The following NR3C2 variants were observed in gnomAD, a reference collection of about 807,000 sequenced individuals.
The protein encoded by NR3C2 is mineralocorticoid receptor.
Under a neutral mutation model 86.4 loss-of-function variants are expected in NR3C2, and 15 were observed. The observed-to-expected ratio is 0.17, with a 90% CI of 0.12 to 0.27. The LOEUF is 0.27. NR3C2 is among the 10% of genes least tolerant of loss of function. NR3C2 has a pLI of 1.00. For synonymous variants in NR3C2, 458 were observed against 450.5 expected, an observed-to-expected ratio of 1.02 and a Z score of -0.21; for missense variants, 960 against 1,195.6, an observed-to-expected ratio of 0.80 and a Z score of 2.91.
intron 8 of NR3C2, among the ~76,000 whole-genome samples, chr4:148,096,118 T>C (rs1260555848): frequency 6.6e-6 from 1 of 152,174 alleles, no homozygotes; most frequent in Non-Finnish European, 1.5e-5. Context: ...AGACCACAGC[T>C]CTGCCTTCTT....
chr4:148,093,997 A>G (rs1731169534), intron 8 of NR3C2, among the ~76,000 whole-genome samples: 1 of 152,164 alleles, frequency 6.6e-6, no homozygotes, highest in Admixed American at 6.6e-5. Flanking sequence ...TCAACAACAA[A>G]CCAAACTGAA....
chr4:148,350,497 C>T lies in NR3C2; in HGVS notation c.1757+84607G>A, dbSNP rs370844921. The stretch of plus-strand genomic sequence containing the variant: ...ACATTTTAGAAATATCTCTAAAAGA[C>T]GTTTTAAATCAGTTAACTACATTTC... On this transcript the variant is annotated intron_variant, in intron 2 of 8. Coordinates refer to ENST00000358102, the MANE Select transcript of NR3C2 (RefSeq NM_000901.5). 1.2e-4 allele frequency among the ~76,000 whole-genome samples: 18 copies of T among 152,250 alleles called. No homozygotes were observed. In the East Asian group the frequency reaches 1.5e-3, roughly 13 times the overall value.
At chr4:148,121,366 C>T (rs1173954026) in intron 6 of NR3C2, among the ~76,000 whole-genome samples, 9 of 152,182 alleles carry the variant, frequency 5.9e-5, no homozygotes, top group Admixed American at 5.9e-4. Context: ...CACATGTTCT[C>T]TGCATTACTG....
chr4:148,197,961 G>A (rs1400018975), intron 3 of NR3C2, among the ~76,000 whole-genome samples: 2 of 151,980 alleles, frequency 1.3e-5, no homozygotes, highest in African/African-American at 2.4e-5. Context: ...TGTACCTCCT[G>A]CTTGAGGTTG....
chr4:148,399,683 GACACACACAC>G (rs3045291), intron 2 of NR3C2, among the ~76,000 whole-genome samples: 1 of 150,552 alleles, frequency 6.6e-6, no homozygotes, highest in Non-Finnish European at 1.5e-5. Flanking sequence ...TATATATACA[GACACACACAC>G]ACACACACAC....
At chr4:148,193,572 TATA>T (rs903472552) in intron 4 of NR3C2, among the ~76,000 whole-genome samples, 1 of 152,224 alleles carries the variant, frequency 6.6e-6, no homozygotes, top group Non-Finnish European at 1.5e-5. Context: ...CCAGATGACT[TATA>T]ATACCTAATA....
At chr4:148,363,086 T>C (rs1420787591) in intron 2 of NR3C2, among the ~76,000 whole-genome samples, 3 of 152,026 alleles carry the variant, frequency 2.0e-5, no homozygotes, top group Non-Finnish European at 2.9e-5. Context: ...ATCCATAAAG[T>C]GGAGAGGACA....
chr4:148,129,184 T>C (rs771014033), intron 6 of NR3C2, among the ~76,000 whole-genome samples: 4 of 152,224 alleles, frequency 2.6e-5, no homozygotes, highest in Non-Finnish European at 5.9e-5. Flanking sequence ...TGGGACATTA[T>C]TGAGTCTTAA....
intron 2 of NR3C2, among the ~76,000 whole-genome samples, chr4:148,347,578 A>G (rs1745058531): frequency 2.0e-5 from 3 of 152,234 alleles, no homozygotes; most frequent in African/African-American, 7.2e-5. Flanking sequence ...GTGTTCTCTC[A>G]AGATACGCTG....
chr4:148,085,972 T>C (rs536284901), intron 8 of NR3C2, among the ~76,000 whole-genome samples: 5 of 152,222 alleles, frequency 3.3e-5, no homozygotes, highest in African/African-American at 4.8e-5. Flanking sequence ...AGTTCTGAAA[T>C]TGGGCAGTAA....
rs111304365 is a variant in NR3C2 at position 148,102,628 on chromosome 4, T to G, written c.2799+11476A>C. Among the ~76,000 whole-genome samples, 480 of 152,236 alleles carry G rather than the reference T, an allele frequency of 3.2e-3. 1 individual carries two copies. Among genetic ancestry groups the G allele is most frequent in the African/African-American group, 0.011 (450 of 41,530 alleles). On this transcript the variant is annotated intron_variant, in intron 8 of 8. Transcript: ENST00000358102. The stretch of plus-strand genomic sequence containing the variant: ...CTCTCTTGGTGCTCCTGCCCCAGCT[T>G]GGCTCTACCAGCTCTCACCTGAACC...
chr4:148,373,737 C>T (rs886669843), intron 2 of NR3C2, among the ~76,000 whole-genome samples: 15 of 151,972 alleles, frequency 9.9e-5, no homozygotes, highest in Admixed American at 2.6e-4. Flanking sequence ...CGGCCTCCCA[C>T]AAAGTGTTGG....
At chr4:148,193,270 T>C (rs2149801501) in intron 4 of NR3C2, among the ~76,000 whole-genome samples, 1 of 152,302 alleles carries the variant, frequency 6.6e-6, no homozygotes, top group South Asian at 2.1e-4. Context: ...GGGGTGTGTG[T>C]TCAGGAGAGG....
chr4:148,384,812 G>A (rs562089371), intron 2 of NR3C2, among the ~76,000 whole-genome samples: 1 of 152,202 alleles, frequency 6.6e-6, no homozygotes, highest in African/African-American at 2.4e-5. Context: ...AAAAACATCA[G>A]TAACTAGGCT....
chr4:148,205,396 C>A (rs563013203), intron 3 of NR3C2, among the ~76,000 whole-genome samples: 1 of 152,196 alleles, frequency 6.6e-6, no homozygotes, highest in African/African-American at 2.4e-5. Context: ...CTCTCTCCCC[C>A]TCTCCTATCC....
At chr4:148,109,057 C>G (rs1277580698) in intron 8 of NR3C2, among the ~76,000 whole-genome samples, 1 of 152,194 alleles carries the variant, frequency 6.6e-6, no homozygotes, top group Non-Finnish European at 1.5e-5. Flanking sequence ...GTCCGGAGCA[C>G]TCAGCAGTGA....
chr4:148,259,126 C>A (rs1423128584), intron 3 of NR3C2, among the ~76,000 whole-genome samples: 1 of 152,168 alleles, frequency 6.6e-6, no homozygotes, highest in African/African-American at 2.4e-5. Context: ...GCTTCTGAAG[C>A]ACCAAGTCAT....
intron 2 of NR3C2, among the ~76,000 whole-genome samples, chr4:148,288,153 G>C (rs1579109918): frequency 6.6e-6 from 1 of 152,122 alleles, no homozygotes; most frequent in Non-Finnish European, 1.5e-5. Context: ...ACATTTTAGA[G>C]GTCACTGGAC....
At chr4:148,316,895 A>G (rs1743215138) in intron 2 of NR3C2, among the ~76,000 whole-genome samples, 1 of 151,938 alleles carries the variant, frequency 6.6e-6, no homozygotes, top group Non-Finnish European at 1.5e-5. Context: ...TAGACCTCCT[A>G]GGCTCAACTG....
Sources: allele counts gnomAD v4.1 joint callset (sites outside exome capture counted in the v4.1 genomes callset), GRCh38; gene constraint gnomAD v4.1.1; transcripts MANE v1.5; gene names NCBI Gene and HGNC (gene_info 2026-07-23, HGNC 2026-07-21).